PHLPP1: variants seen among roughly 807,000 people sequenced by gnomAD.
PHLPP1 encodes the protein PH domain leucine-rich repeat-containing protein phosphatase 1.
Under a neutral mutation model 117.2 loss-of-function variants are expected in PHLPP1, and 42 were observed. The observed-to-expected ratio is 0.36, with a 90% CI of 0.28 to 0.46. The LOEUF is 0.46. Among genes scored for constraint, PHLPP1 ranks in the 20% least tolerant of loss-of-function variants. The pLI, the probability that PHLPP1 is intolerant of heterozygous loss-of-function variation, is 1.00. For missense variants in PHLPP1, 2,084 were observed against 2,241.9 expected, an observed-to-expected ratio of 0.93 and a Z score of 1.42; for synonymous variants, 1,042 against 970.7, an observed-to-expected ratio of 1.07 and a Z score of -1.37.
chr18:62,843,222 G>A (rs923288718), intron 3 of PHLPP1: 1 of 151,968 alleles, frequency 6.6e-6, no homozygotes, highest in Non-Finnish European at 1.5e-5. Flanking sequence ...TTTTGATAAG[G>A]ACCTAAAAGA....
intron 1 of PHLPP1, chr18:62,826,271 C>T (rs113145909): frequency 2.9e-5 from 12 of 420,922 alleles, no homozygotes; most frequent in African/African-American, 6.1e-5. Context: ...ATCCTGAATT[C>T]ATGAATGTGA....
intron 4 of PHLPP1, among the ~76,000 whole-genome samples, chr18:62,881,380 T>C (rs966018472): frequency 6.6e-6 from 1 of 152,256 alleles, no homozygotes; most frequent in East Asian, 1.9e-4. Flanking sequence ...TGATTATTAC[T>C]TTTGAAAAAT....
rs10538704 is a variant in PHLPP1, at chr18:62,916,747, C to CTTT, written c.2804+1761_2804+1763dup. On this transcript the variant is annotated intron_variant, in intron 9 of 16. Transcript: ENST00000262719. ...TTCTTCTATTTTCTTTCCTTCTATT[C>CTTT]TTTTTTTTTTTTTTTTTTTTTTTTG... Among the ~76,000 whole-genome samples the CTTT allele has an allele frequency of 2.9e-3, 204 of 71,044 alleles. 7 individuals carry two copies. The highest frequency in any genetic ancestry group is 5.2e-3 in the African/African-American group (88 of 16,790). 46.6% of individuals were successfully genotyped at this position (71,044 alleles called of 152,430 possible).
chr18:62,729,768 A>G (rs749894850), intron 1 of PHLPP1, among the ~76,000 whole-genome samples: 23 of 152,206 alleles, frequency 1.5e-4, no homozygotes, highest in Admixed American at 9.2e-4. Context: ...ACCAGATGTT[A>G]TTTTTAAAAA....
At chr18:62,727,085 G>A (rs1911094834) in intron 1 of PHLPP1, among the ~76,000 whole-genome samples, 1 of 151,454 alleles carries the variant, frequency 6.6e-6, no homozygotes, top group Non-Finnish European at 1.5e-5. Flanking sequence ...AAAATTAGCT[G>A]GGCATGGTGG....
chr18:62,917,082 C>G (rs893353188), intron 9 of PHLPP1, among the ~76,000 whole-genome samples: 1 of 150,874 alleles, frequency 6.6e-6, no homozygotes, highest in Non-Finnish European at 1.5e-5. Flanking sequence ...CTCTTTCCCA[C>G]CTCCACCCCT....
Position 62,920,055 on chromosome 18 carries a change from G to C in PHLPP1, c.2901G>C (p.Leu967Phe). 1.2e-6 allele frequency: 2 copies of C among 1,613,562 alleles called. No individual in the cohort carries two copies. Among genetic ancestry groups the C allele is most frequent in the Non-Finnish European group, 1.7e-6 (2 of 1,179,686 alleles). The change falls in exon 10 of 17, where the codon TTG becomes TTC. Residue 967 changes from leucine to phenylalanine, a missense_variant. Leu to Phe is a conservative substitution (Grantham distance 22, BLOSUM62 0). Around this residue, in one of 2 missense-constraint regions of PHLPP1, gnomAD observed 1,365 missense variants for 1,605.9 expected, o/e 0.85. Transcript: ENST00000262719. ...ERLERTSVEV[L>F]DVQHNQLLEL... Reference sequence around the variant, plus strand: ...TAGAAAGAACCTCGGTGGAGGTCTTGGATGTGCAACACAACCAGCTCCTTG... The same window carrying C: ...TAGAAAGAACCTCGGTGGAGGTCTTCGATGTGCAACACAACCAGCTCCTTG...
intron 1 of PHLPP1, among the ~76,000 whole-genome samples, chr18:62,772,800 C>T (rs1215582630): frequency 7.4e-6 from 1 of 135,262 alleles, no homozygotes; most frequent in Non-Finnish European, 1.5e-5. Flanking sequence ...CACTGCACTC[C>T]AGCCTGGGCT....
At chr18:62,847,812 C>G (rs1915219607) in intron 3 of PHLPP1, among the ~76,000 whole-genome samples, 1 of 152,228 alleles carries the variant, frequency 6.6e-6, no homozygotes, top group African/African-American at 2.4e-5. Context: ...GCATTTCCAA[C>G]ATCTGTAGTG....
At chr18:62,898,015 C>CTTCTCCTCCCTTCTCCTCT (rs1916608862) in intron 6 of PHLPP1, among the ~76,000 whole-genome samples, 1 of 144,406 alleles carries the variant, frequency 6.9e-6, no homozygotes, top group South Asian at 2.3e-4. Context: ...TTCCTCCTCC[C>CTTCTCCTCCCTTCTCCTCT]TTCTCCTCTT....
intron 1 of PHLPP1, among the ~76,000 whole-genome samples, chr18:62,798,757 C>T (rs1038886939): frequency 6.6e-6 from 1 of 152,014 alleles, no homozygotes. Flanking sequence ...TCTGGGTGGT[C>T]ACTGTGTCTG....
At chr18:62,773,326 G>A (rs1425383283) in intron 1 of PHLPP1, among the ~76,000 whole-genome samples, 4 of 152,190 alleles carry the variant, frequency 2.6e-5, no homozygotes, top group South Asian at 2.1e-4. Context: ...AAGGTGGAAC[G>A]TTGTCAAAGC....
At chr18:62,874,465 C>T (rs1408860003) in intron 4 of PHLPP1, among the ~76,000 whole-genome samples, 6 of 152,044 alleles carry the variant, frequency 3.9e-5, no homozygotes, top group Admixed American at 2.0e-4. Flanking sequence ...GCTGAGATTG[C>T]GCCACTGCAC....
intron 1 of PHLPP1, among the ~76,000 whole-genome samples, chr18:62,810,409 G>C (rs936124620): frequency 1.3e-5 from 2 of 152,012 alleles, no homozygotes; most frequent in African/African-American, 2.4e-5. Flanking sequence ...TTTATCTTGG[G>C]AGAATTTGTT....
chr18:62,838,507 G>C (rs1914968017), intron 2 of PHLPP1: 1 of 305,150 alleles, frequency 3.3e-6, no homozygotes. Flanking sequence ...TGTGAGGTTA[G>C]AAGAATAAGA....
intron 12 of PHLPP1, 70 bp downstream of exon 12, chr18:62,945,341 C>G (rs527355946): frequency 7.8e-7 from 1 of 1,278,220 alleles, no homozygotes; most frequent in Admixed American, 2.6e-5. Flanking sequence ...AACTCATCAA[C>G]TCAGGACGTT....
chr18:62,959,227 G>A (rs564357197), intron 13 of PHLPP1, among the ~76,000 whole-genome samples: 1 of 152,258 alleles, frequency 6.6e-6, no homozygotes, highest in South Asian at 2.1e-4. Flanking sequence ...TAATGAGAAT[G>A]TTCATCATGG....
At chr18:62,920,691 C>T (rs898571977) in intron 10 of PHLPP1, among the ~76,000 whole-genome samples, 4 of 152,080 alleles carry the variant, frequency 2.6e-5, no homozygotes, top group Admixed American at 2.6e-4. Context: ...TCCCAAGTAG[C>T]TGGAACTACA....
chr18:62,974,480 A>G (rs1164522106), intron 15 of PHLPP1, among the ~76,000 whole-genome samples: 2 of 152,092 alleles, frequency 1.3e-5, no homozygotes, highest in Non-Finnish European at 2.9e-5. Context: ...GCCCTTGTAA[A>G]ACGGGAGGCT....
Sources: allele counts gnomAD v4.1 joint callset (sites outside exome capture counted in the v4.1 genomes callset), GRCh38; gene constraint gnomAD v4.1.1; regional missense constraint gnomAD v4.1.1; transcripts MANE v1.5; gene names NCBI Gene and HGNC (gene_info 2026-07-23, HGNC 2026-07-21).